DCDC2: variants seen among roughly 807,000 people sequenced by gnomAD.
The protein encoded by DCDC2 is doublecortin domain-containing protein 2.
In DCDC2, 40 loss-of-function variants were observed where a neutral mutation model predicts 50.2. The observed-to-expected ratio is 0.80, with a 90% confidence interval of 0.62 to 1.04. DCDC2 has a LOEUF of 1.04. DCDC2 is among the 50% of genes least tolerant of loss of function. The pLI, the probability that DCDC2 is intolerant of heterozygous loss-of-function variation, is 0.00. For missense variants in DCDC2, 570 were observed against 581.9 expected (o/e 0.98, Z 0.21); for synonymous variants, 234 against 210.6 (o/e 1.11, Z -0.96).
intron 7 of DCDC2, among the ~76,000 whole-genome samples, chr6:24,256,098 A>C (rs1762892582): frequency 1.3e-5 from 2 of 152,302 alleles, no homozygotes; most frequent in Admixed American, 1.3e-4. Context: ...ATAGAAGAAT[A>C]ACTTCCAGTA....
intron 7 of DCDC2, among the ~76,000 whole-genome samples, chr6:24,253,732 G>T (rs1762838194): frequency 6.6e-6 from 1 of 152,164 alleles, no homozygotes; most frequent in African/African-American, 2.4e-5. Flanking sequence ...TCTATATAGA[G>T]CATTTACCAT....
intron 7 of DCDC2, among the ~76,000 whole-genome samples, chr6:24,258,663 A>G (rs573045320): frequency 1.3e-5 from 2 of 152,280 alleles, no homozygotes; most frequent in South Asian, 4.1e-4. Context: ...ATCCTGAGTC[A>G]CTCACTGGGT....
the DCDC2 span, among the ~76,000 whole-genome samples, chr6:24,382,009 A>AAGGCAGGC: frequency 0.01 from 1,173 of 116,420 alleles, 10 homozygotes; most frequent in African/African-American, 0.025. Flanking sequence ...GGAAGGAAGG[A>AAGGCAGGC]AGGCAGGCAA....
chr6:24,275,506 T>C (rs1256458587), intron 7 of DCDC2, among the ~76,000 whole-genome samples: 1 of 152,118 alleles, frequency 6.6e-6, no homozygotes, highest in Non-Finnish European at 1.5e-5. Flanking sequence ...AGATACAAAA[T>C]GCTTCTAGAT....
chr6:24,250,476 CT>C (rs1458417047), intron 7 of DCDC2, among the ~76,000 whole-genome samples: 1 of 152,136 alleles, frequency 6.6e-6, no homozygotes, highest in East Asian at 1.9e-4. Flanking sequence ...ACACTTCTTC[CT>C]TATGGCAATG....
chr6:24,357,324 G>A, intron 1 of DCDC2, 134 bp downstream of exon 1: 1 of 1,055,382 alleles, frequency 9.5e-7, no homozygotes, highest in Non-Finnish European at 1.3e-6. Flanking sequence ...AGAGTTTTGA[G>A]GGGCATCAAT....
At chr6:24,218,421 C>CT (rs1413890690) in intron 7 of DCDC2, among the ~76,000 whole-genome samples, 2 of 152,092 alleles carry the variant, frequency 1.3e-5, no homozygotes, top group African/African-American at 2.4e-5. Flanking sequence ...GATTTGTTCT[C>CT]TATCTATAAT....
At chr6:24,338,066 C>T (rs1232340226) in intron 2 of DCDC2, among the ~76,000 whole-genome samples, 1 of 152,216 alleles carries the variant, frequency 6.6e-6, no homozygotes, top group Non-Finnish European at 1.5e-5. Flanking sequence ...CACACAGTCC[C>T]TCATCTGTGA....
intron 7 of DCDC2, among the ~76,000 whole-genome samples, chr6:24,218,836 T>C (rs1402852816): frequency 6.6e-6 from 1 of 152,198 alleles, no homozygotes; most frequent in Non-Finnish European, 1.5e-5. Context: ...AAAGAAAAGA[T>C]AGAAAATATT....
intron 2 of DCDC2, among the ~76,000 whole-genome samples, chr6:24,328,825 A>G (rs2127237769): frequency 6.6e-6 from 1 of 152,298 alleles, no homozygotes; most frequent in Middle Eastern, 3.4e-3. Flanking sequence ...ATTTGTACGC[A>G]TATCTACGCT....
At chr6:24,277,265 G>C (rs1256809489) in intron 7 of DCDC2, among the ~76,000 whole-genome samples, 1 of 69,698 alleles carries the variant, frequency 1.4e-5, no homozygotes, top group Non-Finnish European at 3.8e-5. Context: ...TCCCACGGGT[G>C]GGGTGTGGTG....
upstream of DCDC2, among the ~76,000 whole-genome samples, chr6:24,358,887 AT>A (rs369456589): frequency 0.011 from 225 of 21,148 alleles, 13 homozygotes; most frequent in African/African-American, 0.031. Context: ...TATTATATAT[AT>A]TTATATATAT....
At chr6:24,335,989 C>T (rs1207010550) in intron 2 of DCDC2, among the ~76,000 whole-genome samples, 4 of 152,158 alleles carry the variant, frequency 2.6e-5, no homozygotes, top group African/African-American at 7.2e-5. Flanking sequence ...CAGGCTTTTA[C>T]GCCAGTACTG....
intron 2 of DCDC2, among the ~76,000 whole-genome samples, chr6:24,330,541 C>T (rs1044798502): frequency 6.6e-6 from 1 of 152,202 alleles, no homozygotes; most frequent in African/African-American, 2.4e-5. Context: ...AAATGGACCA[C>T]CACAAAGAAC....
the DCDC2 span, among the ~76,000 whole-genome samples, chr6:24,378,626 A>G: frequency 6.6e-6 from 1 of 152,200 alleles, no homozygotes; most frequent in Admixed American, 6.5e-5. Flanking sequence ...ATCACTGTGT[A>G]CAAATCCTTG....
chr6:24,261,872 GA>G (rs1345099844), intron 7 of DCDC2, among the ~76,000 whole-genome samples: 1 of 152,064 alleles, frequency 6.6e-6, no homozygotes, highest in East Asian at 1.9e-4. Context: ...AATTCCAGTT[GA>G]AAAGTATCTC....
At chr6:24,225,343 G>A (rs539828916) in intron 7 of DCDC2, among the ~76,000 whole-genome samples, 2 of 152,238 alleles carry the variant, frequency 1.3e-5, no homozygotes, top group East Asian at 1.9e-4. Context: ...AATCCATCTA[G>A]GAGAAGCAGT....
chr6:24,245,728 G>A (rs1194109481), intron 7 of DCDC2, among the ~76,000 whole-genome samples: 1 of 152,082 alleles, frequency 6.6e-6, no homozygotes. Context: ...ACAGTAGAAA[G>A]AACAATTTTA....
intron 2 of DCDC2, chr6:24,353,361 C>CAT (rs1425732134): frequency 4.7e-6 from 3 of 644,444 alleles, no homozygotes; most frequent in South Asian, 4.6e-5. Context: ...CTTGACATAT[C>CAT]CTGCACATCT....
Sources: allele counts gnomAD v4.1 joint callset (sites outside exome capture counted in the v4.1 genomes callset), GRCh38; gene constraint gnomAD v4.1.1; transcripts MANE v1.5; gene names NCBI Gene and HGNC (gene_info 2026-07-23, HGNC 2026-07-21).